Variants in THSD7B observed in about 807,000 individuals in gnomAD.
THSD7B encodes thrombospondin type 1 domain containing 7B.
THSD7B carries 138 observed loss-of-function variants against 213.6 expected under a neutral mutation model. The observed-to-expected ratio is 0.65, with a 90% CI of 0.56 to 0.74. The LOEUF is 0.74. THSD7B is among the 30% of genes least tolerant of loss of function. The probability of loss-of-function intolerance (pLI) is 0.00; values close to 1 mark genes in which losing one functional copy is unlikely to be tolerated. For synonymous variants in THSD7B, 742 were observed against 687.0 expected, an observed-to-expected ratio of 1.08 and a Z score of -1.25; for missense variants, 1,931 against 1,991.5, an observed-to-expected ratio of 0.97 and a Z score of 0.58.
chr2:136,769,425 GA>G (rs2104897059), intron 1 of THSD7B, among the ~76,000 whole-genome samples: 1 of 152,242 alleles, frequency 6.6e-6, no homozygotes, highest in Non-Finnish European at 1.5e-5. Context: ...AGATATTAGT[GA>G]AACCCAATTA....
chr2:136,896,174 A>G (rs1011275525), intron 2 of THSD7B, among the ~76,000 whole-genome samples: 4 of 152,188 alleles, frequency 2.6e-5, no homozygotes, highest in Admixed American at 2.0e-4. Context: ...CAACCTGACT[A>G]TAGTATTTCA....
rs183657628 is a variant in THSD7B at position 137,050,508 on chromosome 2, T to C, written c.140-5912T>C. 3.3e-5 allele frequency among the ~76,000 whole-genome samples: 5 copies of C among 152,284 alleles called. No homozygotes were observed. In the East Asian group the frequency reaches 9.7e-4, roughly 29 times the overall value. On this transcript the variant is annotated intron_variant, in intron 2 of 27. Coordinates refer to ENST00000409968, the MANE Select transcript of THSD7B (RefSeq NM_001316349.2). ...CTATTAGTGCCAAACAAAAACACAA[T>C]CATACAGAAAGAGCTGGGAACATTA...
chr2:137,518,588 G>T (rs1680118966), intron 15 of THSD7B, among the ~76,000 whole-genome samples: 1 of 152,154 alleles, frequency 6.6e-6, no homozygotes, highest in Admixed American at 6.5e-5. Context: ...CTATATGAGT[G>T]CTCACCAACG....
chr2:137,086,298 T>C (rs1416632045), intron 3 of THSD7B, among the ~76,000 whole-genome samples: 2 of 151,798 alleles, frequency 1.3e-5, no homozygotes, highest in African/African-American at 4.8e-5. Flanking sequence ...GATCACGCCA[T>C]TGCACCCTAG....
intron 10 of THSD7B, among the ~76,000 whole-genome samples, chr2:137,271,284 T>A (rs999237764): frequency 3.3e-5 from 5 of 150,946 alleles, no homozygotes; most frequent in African/African-American, 1.2e-4. Context: ...TGAGTGTAGT[T>A]ACTTGTCTGT....
intron 12 of THSD7B, among the ~76,000 whole-genome samples, chr2:137,296,501 A>G (rs758674426): frequency 3.9e-5 from 6 of 152,128 alleles, no homozygotes; most frequent in Non-Finnish European, 8.8e-5. Flanking sequence ...GAATGCTGTC[A>G]CTGTCTTTTG....
chr2:137,220,686 CTTAA>C (rs1225543226), intron 7 of THSD7B, among the ~76,000 whole-genome samples: 1 of 152,136 alleles, frequency 6.6e-6, no homozygotes, highest in African/African-American at 2.4e-5. Flanking sequence ...CAATTTCACC[CTTAA>C]TTATTTACCC....
chr2:136,804,224 A>C (rs1464709850), intron 1 of THSD7B, among the ~76,000 whole-genome samples: 1 of 152,114 alleles, frequency 6.6e-6, no homozygotes. Context: ...TCAGCAATGT[A>C]ATTACCTTTC....
intron 17 of THSD7B, among the ~76,000 whole-genome samples, chr2:137,593,296 T>C (rs1001103603): frequency 2.6e-5 from 4 of 151,942 alleles, no homozygotes; most frequent in African/African-American, 9.7e-5. Context: ...AGGAGTAGAA[T>C]AGCTAAGTTA....
At chr2:137,614,653 TTAAGAA>T (rs1682349916) in intron 17 of THSD7B, among the ~76,000 whole-genome samples, 1 of 152,134 alleles carries the variant, frequency 6.6e-6, no homozygotes, top group Non-Finnish European at 1.5e-5. Flanking sequence ...GTGCAGATAA[TTAAGAA>T]TAATTGCTTG....
Position 137,072,541 on chromosome 2 carries a change from A to G in THSD7B, c.950+15311A>G, listed in dbSNP as rs552858474. On this transcript the variant is annotated intron_variant, in intron 3 of 27. Transcript: ENST00000409968. ...GGTTTTCTAGATATACAATCATGTC[A>G]TCTGCAAATAGGGACAATTTGACTT... is the stretch of plus-strand genomic sequence containing the variant. Among the ~76,000 whole-genome samples the G allele has an allele frequency of 3.1e-3, 476 of 152,278 alleles. 2 individuals are homozygous for G. Among genetic ancestry groups the G allele is most frequent in the African/African-American group, 0.011 (454 of 41,538 alleles).
intron 4 of THSD7B, among the ~76,000 whole-genome samples, chr2:137,100,500 C>T (rs893627794): frequency 3.9e-5 from 6 of 151,998 alleles, no homozygotes; most frequent in Non-Finnish European, 5.9e-5. Context: ...ACACGACAAT[C>T]GTGTCCTTTA....
chr2:137,435,214 A>G (rs1390727524), intron 14 of THSD7B, among the ~76,000 whole-genome samples: 3 of 152,124 alleles, frequency 2.0e-5, no homozygotes, highest in Admixed American at 6.6e-5. Context: ...GTTTTGGCAT[A>G]CTTTTTTGGT....
At chr2:136,767,301 G>C (rs1681418334) in intron 1 of THSD7B, among the ~76,000 whole-genome samples, 1 of 152,138 alleles carries the variant, frequency 6.6e-6, no homozygotes, top group Non-Finnish European at 1.5e-5. Flanking sequence ...TCTGTCTTGA[G>C]GCTTCACTTT....
At chr2:137,200,423 G>T (rs891218096) in intron 7 of THSD7B, among the ~76,000 whole-genome samples, 1 of 78,174 alleles carries the variant, frequency 1.3e-5, no homozygotes, top group Admixed American at 1.4e-4. Flanking sequence ...ATTTCTTCTT[G>T]GTTTGTCAAG....
intron 1 of THSD7B, among the ~76,000 whole-genome samples, chr2:136,814,572 G>T (rs1286289351): frequency 1.3e-5 from 2 of 151,972 alleles, no homozygotes; most frequent in Non-Finnish European, 2.9e-5. Flanking sequence ...CTAATTTTTT[G>T]TAATTTTAGT....
chr2:137,341,093 C>A (rs1040016189), intron 12 of THSD7B, among the ~76,000 whole-genome samples: 6 of 150,046 alleles, frequency 4.0e-5, no homozygotes, highest in Non-Finnish European at 5.9e-5. Context: ...CTTTTCTCGA[C>A]ATCCTTGCCA....
intron 2 of THSD7B, among the ~76,000 whole-genome samples, chr2:136,985,833 G>A (rs573333699): frequency 6.6e-6 from 1 of 152,348 alleles, no homozygotes; most frequent in Admixed American, 6.5e-5. Context: ...CAGCCACAGG[G>A]ACTGCACCCT....
intron 14 of THSD7B, 161 bp downstream of exon 14, chr2:137,412,033 T>G (rs1686668050): frequency 1.3e-6 from 1 of 796,096 alleles, no homozygotes; most frequent in Non-Finnish European, 1.9e-6. Flanking sequence ...ATGAAATGCA[T>G]ACATCTGTAT....
Sources: allele counts gnomAD v4.1 joint callset (sites outside exome capture counted in the v4.1 genomes callset), GRCh38; gene constraint gnomAD v4.1.1; transcripts MANE v1.5; gene names NCBI Gene and HGNC (gene_info 2026-07-23, HGNC 2026-07-21).